Variants in SYNPR observed in about 807,000 individuals in gnomAD.
The protein encoded by SYNPR is synaptoporin.
In SYNPR, 23 loss-of-function variants were observed where a neutral mutation model predicts 32.9. The ratio of observed to expected loss-of-function variants is 0.70; its 90% CI spans 0.50 to 0.99. SYNPR has a LOEUF of 0.99. Among genes scored for constraint, SYNPR ranks in the 50% least tolerant of loss-of-function variants. SYNPR has a pLI of 0.00. For synonymous variants in SYNPR, 146 were observed against 135.9 expected (o/e 1.07, Z -0.52); for missense variants, 318 against 349.3 (o/e 0.91, Z 0.71).
intron 2 of SYNPR, among the ~76,000 whole-genome samples, chr3:63,396,050 CA>C (rs1183617633): frequency 3.3e-5 from 5 of 152,174 alleles, no homozygotes; most frequent in Non-Finnish European, 7.3e-5. Flanking sequence ...CACACAGGCA[CA>C]ACCAACATCC....
chr3:63,353,372 T>A (rs540198136), intron 2 of SYNPR, among the ~76,000 whole-genome samples: 6 of 152,300 alleles, frequency 3.9e-5, no homozygotes, highest in African/African-American at 1.4e-4. Context: ...GGGAGGGGGA[T>A]CTAGTGAAGC....
chr3:63,418,618 C>T (rs188473245), intron 2 of SYNPR, among the ~76,000 whole-genome samples: 18 of 152,226 alleles, frequency 1.2e-4, no homozygotes, highest in Admixed American at 9.1e-4. Flanking sequence ...CTGGGGAGGC[C>T]GCACAACTAT....
At chr3:63,264,931 G>T (rs1560172931) in intron 2 of SYNPR, among the ~76,000 whole-genome samples, 1 of 151,198 alleles carries the variant, frequency 6.6e-6, no homozygotes, top group African/African-American at 2.4e-5. Flanking sequence ...AATCATGGGG[G>T]AGCCATGATT....
chr3:63,209,191 G>A, the SYNPR span, among the ~76,000 whole-genome samples: 9 of 151,688 alleles, frequency 5.9e-5, no homozygotes, highest in South Asian at 2.1e-4. Flanking sequence ...GGTGGGGGTC[G>A]CCTGTAGTCC....
intron 2 of SYNPR, among the ~76,000 whole-genome samples, chr3:63,312,585 CA>C (rs2086978704): frequency 6.6e-6 from 1 of 152,064 alleles, no homozygotes; most frequent in African/African-American, 2.4e-5. Context: ...CAACTTCCTG[CA>C]GCCAGACCCA....
At chr3:63,602,189 G>T (rs1365235093) in intron 4 of SYNPR, among the ~76,000 whole-genome samples, 4 of 152,018 alleles carry the variant, frequency 2.6e-5, no homozygotes, top group Admixed American at 1.3e-4. Context: ...TTTTAACGGG[G>T]TTCTTTGTTT....
intron 2 of SYNPR, among the ~76,000 whole-genome samples, chr3:63,298,559 C>G (rs2086813938): frequency 6.6e-6 from 1 of 152,088 alleles, no homozygotes; most frequent in African/African-American, 2.4e-5. Flanking sequence ...CAGCCTTGAG[C>G]AATGCATGTC....
intron 2 of SYNPR, chr3:63,427,487 T>G (rs1699914856): frequency 6.6e-6 from 1 of 152,214 alleles, no homozygotes; most frequent in Non-Finnish European, 1.5e-5. Context: ...TTCTGTCCTT[T>G]GATGAGCTCA....
chr3:63,513,937 CT>C (rs548697828), intron 3 of SYNPR, among the ~76,000 whole-genome samples: 1 of 152,052 alleles, frequency 6.6e-6, no homozygotes, highest in Non-Finnish European at 1.5e-5. Context: ...ATTCATAAAC[CT>C]TCTGGAAGTG....
At chr3:63,437,469 C>A (rs993270387) in intron 2 of SYNPR, among the ~76,000 whole-genome samples, 1 of 151,734 alleles carries the variant, frequency 6.6e-6, no homozygotes, top group Non-Finnish European at 1.5e-5. Context: ...CACACTCACA[C>A]AGAGTGATTG....
intron 3 of SYNPR, among the ~76,000 whole-genome samples, chr3:63,549,258 G>A (rs1477357971): frequency 1.3e-5 from 2 of 152,190 alleles, no homozygotes; most frequent in Admixed American, 6.5e-5. Flanking sequence ...ATGAACATTG[G>A]TTTAGAATCC....
intron 1 of SYNPR, among the ~76,000 whole-genome samples, chr3:63,234,372 A>C (rs924799784): frequency 3.3e-5 from 5 of 152,166 alleles, no homozygotes; most frequent in Admixed American, 3.3e-4. Context: ...ACACAGCCAA[A>C]TCATATCAAT....
At chr3:63,500,474 CTTACAAGGT>C (rs1162818422) in intron 3 of SYNPR, among the ~76,000 whole-genome samples, 2 of 152,066 alleles carry the variant, frequency 1.3e-5, no homozygotes, top group Non-Finnish European at 2.9e-5. Context: ...CCCTGCCCAC[CTTACAAGGT>C]GATTACAGAT....
intron 5 of SYNPR, among the ~76,000 whole-genome samples, chr3:63,609,527 G>T (rs565257467): frequency 1.3e-5 from 2 of 152,300 alleles, no homozygotes; most frequent in South Asian, 4.1e-4. Context: ...GCCGATTAAG[G>T]AGTTTTTCTT....
At chr3:63,414,723 A>G (rs1413314652) in intron 2 of SYNPR, among the ~76,000 whole-genome samples, 1 of 152,230 alleles carries the variant, frequency 6.6e-6, no homozygotes, top group Non-Finnish European at 1.5e-5. Context: ...TGTAAGTCTC[A>G]TTACCAACTG....
rs985693446 is a variant in SYNPR, at chr3:63,242,362, T to C, written n.67-10137T>C. Among the ~76,000 whole-genome samples, 11 of 151,942 alleles carry C rather than the reference T, an allele frequency of 7.2e-5. 1 individual carries two copies. Among genetic ancestry groups the C allele is most frequent in the South Asian group, 6.2e-4 (3 of 4,816 alleles). Reference sequence around the variant, plus strand: ...ATACAGGGAACTAGAGCTGAGATACTTGCAACAAACCAGGACTCCTAGGGA... The same window carrying C: ...ATACAGGGAACTAGAGCTGAGATACCTGCAACAAACCAGGACTCCTAGGGA... On this transcript the variant is annotated intron_variant and non_coding_transcript_variant, in intron 1 of 4. Coordinates refer to the SYNPR transcript ENST00000478456.
In SYNPR at chr3:63,308,846, G is replaced by A. The variant is rs549611401; in HGVS notation, c.84+30104G>A. Among the ~76,000 whole-genome samples, 27 of 151,780 alleles carry A rather than the reference G, an allele frequency of 1.8e-4. No homozygotes were observed. In the East Asian group the frequency reaches 4.5e-3, roughly 25 times the overall value. On this transcript the variant is annotated intron_variant, in intron 2 of 5. Coordinates refer to ENST00000478300, the MANE Select transcript of SYNPR (RefSeq NM_001130003.2). ...ATTCATTAGACTTCCTTGATCCATA[G>A]AATTATAGTTTTATAATTTTCATTG... is the stretch of plus-strand genomic sequence containing the variant.
At chr3:63,363,471 G>A (rs1346317566) in intron 2 of SYNPR, among the ~76,000 whole-genome samples, 4 of 152,162 alleles carry the variant, frequency 2.6e-5, no homozygotes, top group South Asian at 2.1e-4. Context: ...GCTGAACCAC[G>A]AAGCAAACTC....
intron 2 of SYNPR, chr3:63,451,961 A>G: frequency 1.6e-6 from 1 of 631,446 alleles, no homozygotes; most frequent in Middle Eastern, 2.5e-4. Context: ...AGTGGTATTT[A>G]TAAACTCCTC....
Sources: gnomAD v4.1 joint callset for allele counts (sites outside exome capture counted in the v4.1 genomes callset) on GRCh38, gnomAD v4.1.1 for gene constraint, MANE v1.5 for transcripts, NCBI Gene and HGNC (gene_info 2026-07-23, HGNC 2026-07-21) for gene names.